The following TRPM6 variants were observed in gnomAD, a reference collection of about 807,000 sequenced individuals.
TRPM6 encodes the protein transient receptor potential cation channel subfamily M member 6.
TRPM6 carries 111 observed loss-of-function variants against 247.6 expected under a neutral mutation model. That is an observed-to-expected ratio of 0.45 (90% confidence interval 0.38 to 0.52). The LOEUF (loss-of-function observed/expected upper bound fraction) is 0.52. Among genes scored for constraint, TRPM6 ranks in the 20% least tolerant of loss-of-function variants. TRPM6 has a pLI of 0.00. For missense variants in TRPM6, 2,126 were observed against 2,421.5 expected (o/e 0.88, Z 2.56); for synonymous variants, 892 against 853.8 (o/e 1.04, Z -0.78).
intron 36 of TRPM6, among the ~76,000 whole-genome samples, chr9:74,734,183 G>A (rs1825619081): frequency 6.6e-6 from 1 of 152,194 alleles, no homozygotes; most frequent in South Asian, 2.1e-4. Flanking sequence ...AGGCCAGCCA[G>A]TAAGATTTGG....
intron 23 of TRPM6, among the ~76,000 whole-genome samples, chr9:74,780,258 C>T (rs1427631863): frequency 2.0e-5 from 3 of 151,918 alleles, no homozygotes; most frequent in Non-Finnish European, 4.4e-5. Flanking sequence ...AATTTGAGAC[C>T]AGCCTGGCCA....
Position 74,827,666 on chromosome 9 carries a change from G to A in TRPM6, c.841+112C>T, listed in dbSNP as rs1428766911. 7.1e-6 allele frequency: 8 copies of A among 1,119,960 alleles called. No individual in the cohort carries two copies. The African/African-American group carries it at 1.2e-4, about 17-fold the overall frequency. The allele number at this position is 1,119,960 out of a possible 1,614,324, so 69.4% of individuals were successfully genotyped here. A position where few individuals can be genotyped will look rare whatever the true frequency, so the allele number is the denominator to read the frequency against. On this transcript the variant is annotated intron_variant, in intron 7 of 38. Coordinates refer to ENST00000360774, the MANE Select transcript of TRPM6 (RefSeq NM_017662.5). Reference sequence around the variant, plus strand: ...AAGGGGGGTGGCTGAAGAGTATTAAGGAGGCTAGCTTGAGGGGACTAGGAG... The same window carrying A: ...AAGGGGGGTGGCTGAAGAGTATTAAAGAGGCTAGCTTGAGGGGACTAGGAG...
intron 38 of TRPM6, 77 bp from the exon 39 acceptor site, chr9:74,724,823 G>T: frequency 6.3e-7 from 1 of 1,581,480 alleles, no homozygotes; most frequent in Non-Finnish European, 8.7e-7. Context: ...GGGACTTTAG[G>T]CTTTGCCAAG....
intron 1 of TRPM6, among the ~76,000 whole-genome samples, chr9:74,874,964 C>A (rs1831147308): frequency 6.6e-6 from 1 of 151,510 alleles, no homozygotes. Flanking sequence ...CAAGTTTCGC[C>A]ATATTGGCCA....
intron 23 of TRPM6, among the ~76,000 whole-genome samples, chr9:74,780,361 G>A (rs993301883): frequency 6.6e-6 from 1 of 152,026 alleles, no homozygotes; most frequent in Admixed American, 6.5e-5. Flanking sequence ...GGCTGAGGTA[G>A]GACACCTGCT....
chr9:74,859,239 CCA>C (rs1369289965), intron 1 of TRPM6, among the ~76,000 whole-genome samples: 1 of 152,154 alleles, frequency 6.6e-6, no homozygotes, highest in Non-Finnish European at 1.5e-5. Flanking sequence ...CATAGTTTTA[CCA>C]TTGGGTGTGT....
intron 1 of TRPM6, among the ~76,000 whole-genome samples, chr9:74,885,028 T>C (rs1831489585): frequency 6.6e-6 from 1 of 152,116 alleles, no homozygotes; most frequent in Non-Finnish European, 1.5e-5. Context: ...GTGATAGAAA[T>C]AAAATTGATT....
At chr9:74,825,847 C>G (rs1829312985) in intron 7 of TRPM6, among the ~76,000 whole-genome samples, 1 of 152,090 alleles carries the variant, frequency 6.6e-6, no homozygotes, top group Non-Finnish European at 1.5e-5. Context: ...ATGGATCCCT[C>G]TCTATACGGA....
At position 74,771,721 on chromosome 9, in the gene TRPM6, A is replaced by C; in HGVS notation, c.3518T>G (p.Ile1173Ser). ...EDVNCSCEERIRVTSERVTEM... is the reference protein window; with the variant it reads ...EDVNCSCEERSRVTSERVTEM... Reference sequence around the variant, plus strand: ...CTTTTACCTTTCTGATGTCACTCGGATTCGTTCCTCACAACTACAATTCAC... The same window carrying C: ...CTTTTACCTTTCTGATGTCACTCGGCTTCGTTCCTCACAACTACAATTCAC... The change falls in exon 25 of 39, where the codon ATC becomes AGC. Residue 1173 changes from isoleucine (I) to serine (S), a missense_variant. By Grantham distance (142) the Ile-to-Ser change is moderately radical. Coordinates refer to ENST00000360774, the MANE Select transcript of TRPM6 (RefSeq NM_017662.5). The C allele has an allele frequency of 6.2e-7, 1 of 1,613,952 alleles. No individual in the cohort carries two copies. Among genetic ancestry groups the C allele is most frequent in the Non-Finnish European group, 8.5e-7 (1 of 1,180,012 alleles).
At chr9:74,737,948 TCA>T (rs1825746618) in intron 36 of TRPM6, among the ~76,000 whole-genome samples, 1 of 152,214 alleles carries the variant, frequency 6.6e-6, no homozygotes, top group Non-Finnish European at 1.5e-5. Flanking sequence ...GTTGCCTCTC[TCA>T]GTCTGTGTAT....
intron 24 of TRPM6, among the ~76,000 whole-genome samples, chr9:74,775,362 T>C (rs1483278386): frequency 6.6e-6 from 1 of 152,178 alleles, no homozygotes; most frequent in Non-Finnish European, 1.5e-5. Flanking sequence ...GTTTCTGAGT[T>C]GAGGTTCTTG....
At chr9:74,835,768 C>T (rs1274050362) in intron 5 of TRPM6, among the ~76,000 whole-genome samples, 1 of 152,024 alleles carries the variant, frequency 6.6e-6, no homozygotes, top group Non-Finnish European at 1.5e-5. Flanking sequence ...CCAATTTAGG[C>T]AATTTGACCT....
At chr9:74,808,415 G>A (rs568819553) in intron 13 of TRPM6, among the ~76,000 whole-genome samples, 6 of 152,124 alleles carry the variant, frequency 3.9e-5, no homozygotes, top group East Asian at 3.9e-4. Flanking sequence ...CCATCTATGC[G>A]TGCTCTCTCT....
At chr9:74,879,665 AC>A (rs1178029000) in intron 1 of TRPM6, among the ~76,000 whole-genome samples, 3 of 152,108 alleles carry the variant, frequency 2.0e-5, no homozygotes, top group Non-Finnish European at 4.4e-5. Context: ...ATCCAAGAGG[AC>A]CAGGTTTGGT....
chr9:74,856,007 T>C (rs544634464), intron 2 of TRPM6, among the ~76,000 whole-genome samples: 4 of 152,296 alleles, frequency 2.6e-5, no homozygotes, highest in African/African-American at 9.6e-5. Context: ...AAAATAGATA[T>C]ATGTAAACCA....
Position 74,755,435 on chromosome 9 carries a change from C to T in TRPM6, c.4824G>A (p.Leu1608=). The T allele has an allele frequency of 6.2e-7, 1 of 1,614,114 alleles. No homozygotes were observed. Among genetic ancestry groups the T allele is most frequent in the Non-Finnish European group, 8.5e-7 (1 of 1,179,996 alleles). Residue 1608 remains leucine (L), a synonymous_variant, in exon 28 of 39, where the codon TTG becomes TTA. Transcript: ENST00000360774. ...TVNACSQSDQ[L]NPEPGENSIS... Reference sequence around the variant, plus strand: ...TGCTGTTTTCTCCTGGCTCTGGATTCAACTGGTCACTCTGAGAGCAGGCAT... The same window carrying T: ...TGCTGTTTTCTCCTGGCTCTGGATTTAACTGGTCACTCTGAGAGCAGGCAT...
At chr9:74,803,678 T>A in intron 15 of TRPM6, 116 bp downstream of exon 15, 2 of 804,984 alleles carry the variant, frequency 2.5e-6, no homozygotes, top group South Asian at 2.7e-5. Flanking sequence ...CATCTGTTTA[T>A]GGCACTTATA....
rs781498257 is a variant in TRPM6, at chr9:74,771,683, A to G, written c.3536+20T>C. On this transcript the variant is annotated intron_variant, in intron 25 of 38. Coordinates refer to ENST00000360774, the MANE Select transcript of TRPM6 (RefSeq NM_017662.5). ...CGTTGTGTTAGTGGTTTCAGAATGG[A>G]AAAGATTTATATCTTTTACCTTTCT... 1.9e-6 allele frequency: 3 copies of G among 1,612,236 alleles called. No individual in the cohort carries two copies. Among genetic ancestry groups the G allele is most frequent in the Non-Finnish European group, 1.7e-6 (2 of 1,179,214 alleles).
chr9:74,740,394 T>C (rs894238730), intron 33 of TRPM6, among the ~76,000 whole-genome samples: 1 of 152,182 alleles, frequency 6.6e-6, no homozygotes, highest in Non-Finnish European at 1.5e-5. Flanking sequence ...TAATTAGACA[T>C]TCTTTTCTAA....
Sources: gnomAD v4.1 joint callset for allele counts (sites outside exome capture counted in the v4.1 genomes callset) on GRCh38, gnomAD v4.1.1 for gene constraint, MANE v1.5 for transcripts, NCBI Gene and HGNC (gene_info 2026-07-23, HGNC 2026-07-21) for gene names.